The following SERGEF variants were observed in gnomAD, a reference collection of about 807,000 sequenced individuals.
SERGEF encodes secretion regulating guanine nucleotide exchange factor.
Under a neutral mutation model 50.0 loss-of-function variants are expected in SERGEF, and 51 were observed. The ratio of observed to expected loss-of-function variants is 1.02; its 90% CI spans 0.81 to 1.29. The LOEUF is 1.29. Among genes scored for constraint, SERGEF ranks in the 50% most tolerant of loss-of-function variants. The pLI is 0.00. For missense variants in SERGEF, 521 were observed against 557.0 expected, an observed-to-expected ratio of 0.94 and a Z score of 0.65; for synonymous variants, 205 against 212.4, an observed-to-expected ratio of 0.97 and a Z score of 0.30.
intron 10 of SERGEF, among the ~76,000 whole-genome samples, chr11:17,797,572 A>T (rs1849591788): frequency 6.8e-6 from 1 of 147,748 alleles, no homozygotes; most frequent in South Asian, 2.2e-4. Flanking sequence ...ATTTTTCTTC[A>T]TTTTTTTTTT....
At chr11:17,818,207 G>A (rs1441129400) in intron 10 of SERGEF, among the ~76,000 whole-genome samples, 2 of 152,182 alleles carry the variant, frequency 1.3e-5, no homozygotes, top group African/African-American at 4.8e-5. Flanking sequence ...GCATCTCCCA[G>A]TGGAAAGGGC....
intron 7 of SERGEF, among the ~76,000 whole-genome samples, chr11:17,989,089 A>T (rs1305070302): frequency 6.6e-6 from 1 of 152,234 alleles, no homozygotes; most frequent in African/African-American, 2.4e-5. Context: ...CTACGTTTTT[A>T]AAATATATGC....
At chr11:17,898,241 G>T (rs896414677) in intron 9 of SERGEF, among the ~76,000 whole-genome samples, 2 of 152,232 alleles carry the variant, frequency 1.3e-5, no homozygotes, top group Non-Finnish European at 2.9e-5. Context: ...CTAAAGTGAA[G>T]CTGTGAACAT....
At chr11:17,945,543 G>T (rs1428844686) in intron 9 of SERGEF, among the ~76,000 whole-genome samples, 2 of 152,170 alleles carry the variant, frequency 1.3e-5, no homozygotes, top group African/African-American at 4.8e-5. Context: ...GACTGATACA[G>T]ACCTTTTCCA....
intron 9 of SERGEF, among the ~76,000 whole-genome samples, chr11:17,909,101 T>TA (rs1343562943): frequency 6.6e-6 from 1 of 152,216 alleles, no homozygotes; most frequent in Non-Finnish European, 1.5e-5. Context: ...AGCCAGGAGT[T>TA]ACAATGGAAA....
At chr11:17,861,622 G>A (rs925439237) in intron 10 of SERGEF, among the ~76,000 whole-genome samples, 2 of 152,246 alleles carry the variant, frequency 1.3e-5, no homozygotes, top group Admixed American at 6.5e-5. Flanking sequence ...GCACACATGA[G>A]GACCTACTGA....
rs574187102 is a variant in SERGEF, at chr11:17,953,103, C to T, written c.1011+6367G>A. Among the ~76,000 whole-genome samples, 31 of 139,376 alleles carry T rather than the reference C, an allele frequency of 2.2e-4. No homozygotes were observed. In the South Asian group the frequency reaches 7.4e-3, roughly 33 times the overall value. 91.4% of individuals were successfully genotyped at this position (139,376 alleles called of 152,430 possible). A position where few individuals can be genotyped will look rare whatever the true frequency, so the allele number is the denominator to read the frequency against. ...CCCACCCAGCAGAACCCAGCAAAAC[C>T]ACAGGGATTGAAAATGCCAGAAAGA... is the stretch of plus-strand genomic sequence containing the variant. On this transcript the variant is annotated intron_variant, in intron 9 of 10. Coordinates refer to ENST00000265965, the MANE Select transcript of SERGEF (RefSeq NM_012139.4).
chr11:17,972,903 C>A (rs1450279218), intron 8 of SERGEF, among the ~76,000 whole-genome samples: 1 of 152,100 alleles, frequency 6.6e-6, no homozygotes, highest in Non-Finnish European at 1.5e-5. Flanking sequence ...TCCAGATCCT[C>A]CTCTCCCTAT....
intron 9 of SERGEF, among the ~76,000 whole-genome samples, chr11:17,893,102 G>A (rs573701484): frequency 1.1e-4 from 16 of 152,286 alleles, no homozygotes; most frequent in African/African-American, 3.9e-4. Flanking sequence ...GCAACACCAA[G>A]GCCCAGTGAC....
intron 9 of SERGEF, among the ~76,000 whole-genome samples, chr11:17,889,322 G>T (rs1851489358): frequency 6.6e-6 from 1 of 152,146 alleles, no homozygotes; most frequent in Non-Finnish European, 1.5e-5. Context: ...AGAAATGTAG[G>T]TTAGAATCAC....
intron 10 of SERGEF, among the ~76,000 whole-genome samples, chr11:17,825,442 T>C (rs540487139): frequency 1.3e-5 from 2 of 152,320 alleles, no homozygotes; most frequent in South Asian, 2.1e-4. Context: ...GTTCTTGTTT[T>C]CTGAAAGGAA....
chr11:17,947,958 T>TA (rs1852697072), intron 9 of SERGEF, among the ~76,000 whole-genome samples: 1 of 151,648 alleles, frequency 6.6e-6, no homozygotes, highest in South Asian at 2.1e-4. Context: ...TTCTTTTTTT[T>TA]TTTTTTTTTT....
intron 5 of SERGEF, among the ~76,000 whole-genome samples, chr11:17,998,845 C>A (rs867338251): frequency 3.4e-4 from 47 of 136,742 alleles, no homozygotes; most frequent in South Asian, 2.1e-3. Flanking sequence ...AAAAAAAAAA[C>A]TCACGAGAAA....
intron 10 of SERGEF, among the ~76,000 whole-genome samples, chr11:17,790,852 T>C (rs1182122317): frequency 2.0e-5 from 3 of 152,238 alleles, no homozygotes; most frequent in Non-Finnish European, 4.4e-5. Context: ...TTTCCCTGAC[T>C]ACTAGTGAGA....
intron 10 of SERGEF, among the ~76,000 whole-genome samples, chr11:17,844,531 TA>T (rs2133865488): frequency 6.6e-6 from 1 of 152,298 alleles, no homozygotes; most frequent in South Asian, 2.1e-4. Flanking sequence ...TGCTTCAAGG[TA>T]CTGGTTCCCA....
At chr11:17,895,491 G>C (rs1317995470) in intron 9 of SERGEF, among the ~76,000 whole-genome samples, 2 of 152,228 alleles carry the variant, frequency 1.3e-5, no homozygotes, top group African/African-American at 4.8e-5. Flanking sequence ...TGTCCCCAGG[G>C]GCAGCTTGCT....
intron 8 of SERGEF, among the ~76,000 whole-genome samples, chr11:17,965,916 T>A (rs1176514292): frequency 6.6e-6 from 1 of 152,234 alleles, no homozygotes; most frequent in African/African-American, 2.4e-5. Flanking sequence ...GCAGCATTGC[T>A]GCAAGGATAC....
chr11:17,846,775 A>G (rs1190674508), intron 10 of SERGEF: 1 of 456,274 alleles, frequency 2.2e-6, no homozygotes, highest in South Asian at 1.5e-5. Flanking sequence ...CAAAGATTAA[A>G]TGAGAGAATG....
chr11:17,999,674 C>A, intron 5 of SERGEF: 1 of 413,360 alleles, frequency 2.4e-6, no homozygotes, highest in Admixed American at 2.9e-5. Flanking sequence ...CACACACAGA[C>A]TGTCAGTCCC....
Sources: allele counts gnomAD v4.1 joint callset (sites outside exome capture counted in the v4.1 genomes callset), GRCh38; gene constraint gnomAD v4.1.1; transcripts MANE v1.5; gene names NCBI Gene and HGNC (gene_info 2026-07-23, HGNC 2026-07-21).